EFR3A: variants seen among roughly 807,000 people sequenced by gnomAD.
The protein encoded by EFR3A is EFR3 homolog A.
In EFR3A, 76 loss-of-function variants were observed where a neutral mutation model predicts 104.4. That is an observed-to-expected ratio of 0.73 (90% confidence interval 0.60 to 0.88). The LOEUF (loss-of-function observed/expected upper bound fraction) is 0.88. Ranked by LOEUF, EFR3A falls within the 40% of genes least tolerant of loss-of-function variation. The pLI is 0.00. For missense variants in EFR3A, 985 were observed against 1,012.5 expected (o/e 0.97, Z 0.37); for synonymous variants, 330 against 330.0 (o/e 1.00, Z 0.00).
chr8:131,912,880 G>A (rs980041385), intron 1 of EFR3A, among the ~76,000 whole-genome samples: 1 of 151,998 alleles, frequency 6.6e-6, no homozygotes, highest in East Asian at 1.9e-4. Flanking sequence ...CGCATCAGCT[G>A]TCTGATTGCT....
At chr8:131,919,992 G>T (rs1391222630) in intron 1 of EFR3A, among the ~76,000 whole-genome samples, 1 of 152,088 alleles carries the variant, frequency 6.6e-6, no homozygotes, top group African/African-American at 2.4e-5. Context: ...TTTTCTGCAT[G>T]CTGAAGTTAC....
intron 4 of EFR3A, among the ~76,000 whole-genome samples, chr8:131,949,355 A>G (rs1025971710): frequency 6.6e-6 from 1 of 152,204 alleles, no homozygotes; most frequent in Non-Finnish European, 1.5e-5. Flanking sequence ...GTAATGCTGT[A>G]TATAATAGGA....
chr8:131,929,230 C>T (rs1214516267), intron 1 of EFR3A, among the ~76,000 whole-genome samples: 1 of 152,178 alleles, frequency 6.6e-6, no homozygotes, highest in Non-Finnish European at 1.5e-5. Context: ...GTGACACTAG[C>T]ATCCAACCAG....
At chr8:131,946,442 GA>G (rs1412585218) in intron 3 of EFR3A, 40 bp from the exon 4 acceptor site, 3 of 1,482,268 alleles carry the variant, frequency 2.0e-6, no homozygotes, top group Non-Finnish European at 2.7e-6. Flanking sequence ...AGAATTAAGA[GA>G]GGTAGAAATG....
chr8:131,996,550 A>C, intron 19 of EFR3A, 53 bp downstream of exon 19: 1 of 1,272,906 alleles, frequency 7.9e-7, no homozygotes, highest in Non-Finnish European at 1.1e-6. Flanking sequence ...CATCATTTAA[A>C]AGAATTTTTT....
rs569748539 is a variant in EFR3A, at chr8:131,999,562, A to G, written c.2158-2197A>G. Among the ~76,000 whole-genome samples the G allele has an allele frequency of 2.0e-4, 29 of 142,564 alleles. 1 individual carries two copies. The highest frequency in any genetic ancestry group is 6.1e-4 in the African/African-American group (24 of 39,658). The allele number at this position is 142,564 out of a possible 152,430, so 93.5% of individuals were successfully genotyped here. On this transcript the variant is annotated intron_variant, in intron 19 of 22. Transcript: ENST00000254624. ...TTTGCACCACTTCTCTATAACTCCA[A>G]CATAACCAGTTTTCCCTCTATAGAG...
intron 1 of EFR3A, among the ~76,000 whole-genome samples, chr8:131,914,661 G>T (rs1191712125): frequency 1.3e-5 from 2 of 151,780 alleles, no homozygotes; most frequent in Admixed American, 1.3e-4. Flanking sequence ...TTTTATTTTA[G>T]GTTCATGGGT....
chr8:131,979,995 T>A (rs914676978), intron 14 of EFR3A, among the ~76,000 whole-genome samples: 9 of 152,180 alleles, frequency 5.9e-5, no homozygotes, highest in Non-Finnish European at 1.3e-4. Flanking sequence ...TTGAGTAAAC[T>A]TTCTGTGCGG....
At chr8:131,948,591 AG>A (rs1402105113) in intron 4 of EFR3A, among the ~76,000 whole-genome samples, 1 of 152,118 alleles carries the variant, frequency 6.6e-6, no homozygotes, top group Non-Finnish European at 1.5e-5. Context: ...ACATTAGGTG[AG>A]GAATGTTTTG....
intron 1 of EFR3A, among the ~76,000 whole-genome samples, chr8:131,914,172 C>G (rs1317280639): frequency 6.6e-6 from 1 of 152,176 alleles, no homozygotes; most frequent in African/African-American, 2.4e-5. Context: ...TGTATAACAC[C>G]TAAGATTCTG....
intron 18 of EFR3A, among the ~76,000 whole-genome samples, chr8:131,993,683 G>A (rs1459599441): frequency 6.6e-6 from 1 of 150,980 alleles, no homozygotes; most frequent in East Asian, 1.9e-4. Context: ...ATTGCTTGAA[G>A]CCAAGAGTTG....
At chr8:131,921,196 A>C (rs1817002171) in intron 1 of EFR3A, among the ~76,000 whole-genome samples, 1 of 152,092 alleles carries the variant, frequency 6.6e-6, no homozygotes, top group Non-Finnish European at 1.5e-5. Context: ...TGGAGGGTAG[A>C]CCTCTGAAAT....
chr8:132,002,953 T>A (rs1223363351), intron 21 of EFR3A, among the ~76,000 whole-genome samples: 1 of 152,218 alleles, frequency 6.6e-6, no homozygotes, highest in Non-Finnish European at 1.5e-5. Flanking sequence ...ATTGTTTTGA[T>A]AGTTTTTTGC....
intron 8 of EFR3A, among the ~76,000 whole-genome samples, chr8:131,964,394 G>T (rs1039054576): frequency 3.3e-5 from 5 of 151,906 alleles, no homozygotes; most frequent in Non-Finnish European, 5.9e-5. Flanking sequence ...CAAAATCAAT[G>T]TGCAAAAATC....
intron 8 of EFR3A, among the ~76,000 whole-genome samples, chr8:131,965,323 G>A (rs959133225): frequency 2.6e-5 from 4 of 152,078 alleles, no homozygotes; most frequent in South Asian, 2.1e-4. Flanking sequence ...CTCATCTGAC[G>A]AAGGGCTAAT....
intron 4 of EFR3A, among the ~76,000 whole-genome samples, chr8:131,948,791 A>G (rs537687452): frequency 2.0e-5 from 3 of 152,250 alleles, no homozygotes; most frequent in East Asian, 3.9e-4. Context: ...ACCAACATTA[A>G]TTACCTAGTA....
At chr8:131,961,898 CAATATTCAACATTCTTAAAGAAAAG>C (rs1417321460) in intron 8 of EFR3A, among the ~76,000 whole-genome samples, 2 of 152,080 alleles carry the variant, frequency 1.3e-5, no homozygotes, top group African/African-American at 4.8e-5. Context: ...GAGTGGGGGC[CAATATTCAACATTCTTAAAGAAAAG>C]AATTTTCAAC....
chr8:131,973,810 C>A (rs555167746), intron 10 of EFR3A, among the ~76,000 whole-genome samples: 96 of 151,982 alleles, frequency 6.3e-4, no homozygotes, highest in Middle Eastern at 3.4e-3. Flanking sequence ...TTCACTAGTT[C>A]AAATACAAAC....
intron 18 of EFR3A, among the ~76,000 whole-genome samples, chr8:131,992,670 G>A (rs1162918287): frequency 6.6e-6 from 1 of 152,176 alleles, no homozygotes; most frequent in Non-Finnish European, 1.5e-5. Flanking sequence ...GATAGGCCTT[G>A]AAAGATAATC....
Sources: allele counts gnomAD v4.1 joint callset (sites outside exome capture counted in the v4.1 genomes callset), GRCh38; gene constraint gnomAD v4.1.1; transcripts MANE v1.5; gene names NCBI Gene and HGNC (gene_info 2026-07-23, HGNC 2026-07-21).